The following GRXCR1 variants were observed in gnomAD, a reference collection of about 807,000 sequenced individuals.
GRXCR1 encodes glutaredoxin domain-containing cysteine-rich protein 1.
Under a neutral mutation model 27.3 loss-of-function variants are expected in GRXCR1, and 27 were observed. The observed-to-expected ratio is 0.99, with a 90% CI of 0.73 to 1.37. The LOEUF (loss-of-function observed/expected upper bound fraction) is 1.37, where lower values mean the gene tolerates loss of function less well. Ranked by LOEUF, GRXCR1 falls within the 40% of genes most tolerant of loss-of-function variation. The pLI is 0.00. For missense variants in GRXCR1, 379 were observed against 354.4 expected (o/e 1.07, Z -0.56); for synonymous variants, 122 against 131.1 (o/e 0.93, Z 0.47).
At chr4:43,004,765 A>G (rs1056300885) in intron 2 of GRXCR1, among the ~76,000 whole-genome samples, 3 of 152,108 alleles carry the variant, frequency 2.0e-5, no homozygotes, top group South Asian at 2.1e-4. Context: ...CTGTACCCCC[A>G]TTATATTTTG....
At chr4:43,019,560 C>T (rs1384115080) in intron 2 of GRXCR1, among the ~76,000 whole-genome samples, 1 of 152,148 alleles carries the variant, frequency 6.6e-6, no homozygotes, top group Non-Finnish European at 1.5e-5. Flanking sequence ...CCAGTTTTTC[C>T]TTCTTCCTTC....
chr4:42,962,858 C>T (rs549436052), intron 1 of GRXCR1, 34 bp from the exon 2 acceptor site: 2 of 1,610,732 alleles, frequency 1.2e-6, no homozygotes, highest in East Asian at 4.5e-5. Flanking sequence ...AAAGTAAAAG[C>T]AAACATTCTT....
intron 2 of GRXCR1, among the ~76,000 whole-genome samples, chr4:42,993,120 T>C (rs1712027649): frequency 6.6e-6 from 1 of 152,134 alleles, no homozygotes; most frequent in African/African-American, 2.4e-5. Context: ...CTTTCTTTTT[T>C]TATTTCTTCC....
intron 1 of GRXCR1, among the ~76,000 whole-genome samples, chr4:42,927,209 A>G (rs918308288): frequency 6.6e-6 from 1 of 152,008 alleles, no homozygotes; most frequent in African/African-American, 2.4e-5. Context: ...TGCATGAAAT[A>G]CATTGTGGCA....
intron 1 of GRXCR1, among the ~76,000 whole-genome samples, chr4:42,903,986 G>A (rs1746527124): frequency 1.3e-5 from 2 of 152,120 alleles, no homozygotes; most frequent in Admixed American, 6.5e-5. Flanking sequence ...CTATTTCAGG[G>A]AACATAATTC....
chr4:42,981,003 A>C (rs557567962), intron 2 of GRXCR1, among the ~76,000 whole-genome samples: 1 of 149,710 alleles, frequency 6.7e-6, no homozygotes, highest in African/African-American at 2.5e-5. Flanking sequence ...TTTTTATTGG[A>C]GAATTGAATC....
intron 2 of GRXCR1, among the ~76,000 whole-genome samples, chr4:42,977,898 T>TC (rs1357276896): frequency 3.3e-5 from 5 of 151,996 alleles, no homozygotes; most frequent in Non-Finnish European, 2.9e-5. Flanking sequence ...TGTGGAGAAT[T>TC]TGCCTTATGT....
intron 1 of GRXCR1, among the ~76,000 whole-genome samples, chr4:42,901,337 T>C (rs1401407717): frequency 1.3e-5 from 2 of 152,182 alleles, no homozygotes; most frequent in African/African-American, 4.8e-5. Context: ...GAAATGATTG[T>C]AATGGGACCA....
intron 1 of GRXCR1, among the ~76,000 whole-genome samples, chr4:42,896,678 T>C (rs919167656): frequency 1.1e-4 from 16 of 152,130 alleles, no homozygotes; most frequent in Non-Finnish European, 1.9e-4. Context: ...AGGTTATTCT[T>C]ACATGCACTA....
At chr4:42,979,822 T>C (rs970802755) in intron 2 of GRXCR1, among the ~76,000 whole-genome samples, 4 of 152,060 alleles carry the variant, frequency 2.6e-5, no homozygotes, top group African/African-American at 9.7e-5. Flanking sequence ...TGAAATACTT[T>C]CTATTACTTA....
At chr4:42,896,559 C>A (rs1746350622) in intron 1 of GRXCR1, among the ~76,000 whole-genome samples, 1 of 151,948 alleles carries the variant, frequency 6.6e-6, no homozygotes, top group African/African-American at 2.4e-5. Context: ...GCCAACTCTC[C>A]CAGAGATAAC....
At chr4:42,915,867 A>C (rs1161309523) in intron 1 of GRXCR1, among the ~76,000 whole-genome samples, 2 of 152,064 alleles carry the variant, frequency 1.3e-5, no homozygotes, top group African/African-American at 4.8e-5. Context: ...GATTTTTTTA[A>C]GATTTTACTC....
At chr4:42,979,032 CCT>C (rs1748589085) in intron 2 of GRXCR1, among the ~76,000 whole-genome samples, 2 of 152,024 alleles carry the variant, frequency 1.3e-5, no homozygotes, top group Admixed American at 6.6e-5. Context: ...TTATAAGTTT[CCT>C]GAGGCCTCCC....
chr4:42,906,804 G>A (rs555426952), intron 1 of GRXCR1, among the ~76,000 whole-genome samples: 2 of 152,190 alleles, frequency 1.3e-5, no homozygotes, highest in South Asian at 4.2e-4. Flanking sequence ...AATTTACAAG[G>A]TAAATATTAA....
At chr4:42,999,981 G>A (rs575162236) in intron 2 of GRXCR1, among the ~76,000 whole-genome samples, 1 of 152,230 alleles carries the variant, frequency 6.6e-6, no homozygotes, top group African/African-American at 2.4e-5. Context: ...GATTTCCATG[G>A]TTTCAGTTAC....
At chr4:42,930,919 A>T (rs1371411144) in intron 1 of GRXCR1, among the ~76,000 whole-genome samples, 2 of 152,016 alleles carry the variant, frequency 1.3e-5, no homozygotes, top group South Asian at 4.1e-4. Context: ...CTAATGTAAG[A>T]AATGACTTAC....
intron 2 of GRXCR1, among the ~76,000 whole-genome samples, chr4:42,985,113 A>G (rs200277980): frequency 7.9e-5 from 12 of 152,266 alleles, no homozygotes; most frequent in African/African-American, 2.4e-4. Context: ...ACTGTCTTCA[A>G]TGCATGTTTT....
At chr4:43,005,385 A>G (rs907076538) in intron 2 of GRXCR1, among the ~76,000 whole-genome samples, 1 of 152,208 alleles carries the variant, frequency 6.6e-6, no homozygotes, top group African/African-American at 2.4e-5. Context: ...GTTGCAAATT[A>G]TACCTGTTTG....
intron 2 of GRXCR1, among the ~76,000 whole-genome samples, chr4:42,984,152 A>T (rs1393023558): frequency 6.6e-6 from 1 of 152,110 alleles, no homozygotes; most frequent in Non-Finnish European, 1.5e-5. Context: ...TACATTTTTA[A>T]GCTTGCTCTA....
Sources: allele counts gnomAD v4.1 joint callset (sites outside exome capture counted in the v4.1 genomes callset), GRCh38; gene constraint gnomAD v4.1.1; transcripts MANE v1.5; gene names NCBI Gene and HGNC (gene_info 2026-07-23, HGNC 2026-07-21).